The following PTBP3 variants were observed in gnomAD, a reference collection of about 807,000 sequenced individuals.
PTBP3 encodes polypyrimidine tract binding protein 3.
PTBP3 carries 20 observed loss-of-function variants against 58.7 expected under a neutral mutation model. The observed-to-expected ratio is 0.34, with a 90% CI of 0.24 to 0.50. PTBP3 has a LOEUF of 0.50. Ranked by LOEUF, PTBP3 falls within the 20% of genes least tolerant of loss-of-function variation. The pLI is 0.98. For synonymous variants in PTBP3, 185 were observed against 219.8 expected (o/e 0.84, Z 1.40); for missense variants, 509 against 637.2 (o/e 0.80, Z 2.17).
At chr9:112,365,440 C>T in the PTBP3 span, among the ~76,000 whole-genome samples, 5 of 152,290 alleles carry the variant, frequency 3.3e-5, no homozygotes, top group African/African-American at 1.2e-4. Flanking sequence ...CACACTCTTT[C>T]GCTTTGTCTG....
intron 3 of PTBP3, among the ~76,000 whole-genome samples, chr9:112,271,585 G>A (rs1049529373): frequency 6.6e-6 from 1 of 151,980 alleles, no homozygotes; most frequent in Non-Finnish European, 1.5e-5. Flanking sequence ...AATTAGCCAG[G>A]TGTGGTGGCA....
the PTBP3 span, among the ~76,000 whole-genome samples, chr9:112,342,515 G>A: frequency 2.6e-3 from 389 of 152,270 alleles, 3 homozygotes; most frequent in African/African-American, 9.1e-3. Context: ...TCAGGAGTTC[G>A]AGACCAGCCT....
intron 7 of PTBP3, among the ~76,000 whole-genome samples, chr9:112,244,169 G>C (rs1589815397): frequency 6.6e-6 from 1 of 151,176 alleles, no homozygotes; most frequent in African/African-American, 2.4e-5. Flanking sequence ...GCATGCGCCT[G>C]TAGTCCCAGC....
intron 7 of PTBP3, among the ~76,000 whole-genome samples, chr9:112,236,651 C>T (rs1417788422): frequency 6.6e-6 from 1 of 152,144 alleles, no homozygotes; most frequent in African/African-American, 2.4e-5. Context: ...ACATGACTTG[C>T]AATGCCTTTA....
upstream of PTBP3, among the ~76,000 whole-genome samples, chr9:112,333,912 T>G (rs1292796948): frequency 6.8e-6 from 1 of 147,180 alleles, no homozygotes; most frequent in Non-Finnish European, 1.5e-5. Context: ...GCGCGCCTTG[T>G]GCTTCCCGCT....
At chr9:112,268,925 G>A (rs143901318) in intron 3 of PTBP3, among the ~76,000 whole-genome samples, 47 of 152,208 alleles carry the variant, frequency 3.1e-4, no homozygotes, top group Non-Finnish European at 4.6e-4. Context: ...GCTGGGCACA[G>A]TGGCTCAGGC....
intron 1 of PTBP3, among the ~76,000 whole-genome samples, chr9:112,310,849 T>C (rs1015308950): frequency 6.6e-6 from 1 of 152,094 alleles, no homozygotes; most frequent in Non-Finnish European, 1.5e-5. Flanking sequence ...GGGAAGAATG[T>C]TGTAGGTAGA....
At chr9:112,300,613 G>A (rs1322355631) in intron 1 of PTBP3, among the ~76,000 whole-genome samples, 7 of 152,098 alleles carry the variant, frequency 4.6e-5, no homozygotes, top group East Asian at 1.9e-4. Flanking sequence ...TCAGCCTGGC[G>A]TGGTGGCGGG....
downstream of PTBP3, chr9:112,218,433 A>G (rs1564377833): frequency 2.0e-5 from 3 of 152,604 alleles, no homozygotes; most frequent in Non-Finnish European, 2.9e-5. Context: ...AACACAGAAA[A>G]ATTTTAAGAG....
chr9:112,372,022 T>C, the PTBP3 span, among the ~76,000 whole-genome samples: 1 of 152,336 alleles, frequency 6.6e-6, no homozygotes, highest in South Asian at 2.1e-4. Flanking sequence ...GGGCTGGGTC[T>C]TGAAGAGTTT....
At chr9:112,365,380 G>A in the PTBP3 span, among the ~76,000 whole-genome samples, 1 of 152,090 alleles carries the variant, frequency 6.6e-6, no homozygotes, top group Non-Finnish European at 1.5e-5. Flanking sequence ...TCATGAGAGT[G>A]AATAAGTCTC....
At position 112,332,994 on chromosome 9, in the gene PTBP3, C is replaced by A. The variant is rs925941296; in HGVS notation, c.-52+476G>T. On this transcript the variant is annotated intron_variant, in intron 1 of 13. Transcript: ENST00000374257. ...GTCGCCGCCCAGACGTGTACCGACG[C>A]GTGCACCCGCCGTCGGCCGCTCGCC... is the stretch of plus-strand genomic sequence containing the variant. The A allele has an allele frequency of 3.9e-6, 5 of 1,295,620 alleles. No individual in the cohort carries two copies. The East Asian group carries it at 1.2e-4, about 32-fold the overall frequency. The allele number at this position is 1,295,620 out of a possible 1,614,324, so 80.3% of individuals were successfully genotyped here. A position where few individuals can be genotyped will look rare whatever the true frequency, so the allele number is the denominator to read the frequency against.
At position 112,250,953 on chromosome 9, in the gene PTBP3, C is replaced by G. The variant is rs756646281; in HGVS notation, c.778G>C (p.Glu260Gln). 3.1e-6 allele frequency: 5 copies of G among 1,605,238 alleles called. No individual in the cohort carries two copies. The Admixed American group carries it at 8.5e-5, about 27-fold the overall frequency. The change falls in exon 7 of 14, where the codon GAA (glutamate) becomes CAA (glutamine). Residue 260 changes from glutamate to glutamine, a missense_variant. Coordinates refer to ENST00000374257, the MANE Select transcript of PTBP3 (RefSeq NM_001163788.4). Reference sequence around the variant, plus strand: ...CCAAAAGCAGCAGCCATAGGGGGTTCAAGGGATGGCTGGCCATCACCAGTA... The same window carrying G: ...CCAAAAGCAGCAGCCATAGGGGGTTGAAGGGATGGCTGGCCATCACCAGTA... The part of the protein sequence containing the change: ...LPTGDGQPSL[E>Q]PPMAAAFGAP...
intron 1 of PTBP3, among the ~76,000 whole-genome samples, chr9:112,317,144 G>A (rs976338128): frequency 6.6e-6 from 1 of 151,774 alleles, no homozygotes; most frequent in Non-Finnish European, 1.5e-5. Flanking sequence ...CATTAGCTGG[G>A]CACGGTGGGA....
At chr9:112,378,632 C>A in the PTBP3 span, among the ~76,000 whole-genome samples, 2 of 152,248 alleles carry the variant, frequency 1.3e-5, no homozygotes, top group African/African-American at 4.8e-5. Flanking sequence ...CTAACAGTCT[C>A]TATCAACACT....
intron 3 of PTBP3, among the ~76,000 whole-genome samples, chr9:112,268,593 T>TG (rs922991106): frequency 3.9e-4 from 33 of 85,344 alleles, no homozygotes; most frequent in Admixed American, 2.2e-3. Flanking sequence ...CTACTTGGGG[T>TG]GGGGGGGTGA....
At chr9:112,265,637 A>G (rs1367745429) in intron 4 of PTBP3, among the ~76,000 whole-genome samples, 1 of 152,216 alleles carries the variant, frequency 6.6e-6, no homozygotes, top group Non-Finnish European at 1.5e-5. Context: ...TAGAATGCAT[A>G]GCATGTGAGC....
chr9:112,306,605 T>TATA lies in PTBP3; in HGVS notation c.-51-8690_-51-8689insTAT, dbSNP rs746604981. ...AAATTTGTATATATATATATATATATTTTTGTTTGTTTGTTTGTTTGTTTG... is the reference window on the plus strand; with the variant it reads ...AAATTTGTATATATATATATATATATATATTTTGTTTGTTTGTTTGTTTGTTTG... On this transcript the variant is annotated intron_variant, in intron 1 of 13. Coordinates refer to ENST00000374257, the MANE Select transcript of PTBP3 (RefSeq NM_001163788.4). Among the ~76,000 whole-genome samples the TATA allele has an allele frequency of 6.8e-3, 644 of 94,052 alleles. 4 individuals are homozygous for TATA. The highest frequency in any genetic ancestry group is 0.041 in the African/African-American group (549 of 13,468). The allele number at this position is 94,052 out of a possible 152,430, so 61.7% of individuals were successfully genotyped here. A position where few individuals can be genotyped will look rare whatever the true frequency, so the allele number is the denominator to read the frequency against.
chr9:112,256,267 A>AC (rs1564409645), intron 5 of PTBP3, among the ~76,000 whole-genome samples: 3 of 110,750 alleles, frequency 2.7e-5, no homozygotes, highest in African/African-American at 1.2e-4. Context: ...AAAAAAAAAA[A>AC]ACAAAATATA....
Sources: allele counts gnomAD v4.1 joint callset (sites outside exome capture counted in the v4.1 genomes callset), GRCh38; gene constraint gnomAD v4.1.1; transcripts MANE v1.5; gene names NCBI Gene and HGNC (gene_info 2026-07-23, HGNC 2026-07-21).